TMEFF1: variants seen among roughly 807,000 people sequenced by gnomAD.
TMEFF1 encodes tomoregulin-1.
A neutral mutation model predicts 47.5 loss-of-function variants in TMEFF1; 20 were observed. The observed-to-expected ratio is 0.42, with a 90% confidence interval of 0.30 to 0.61. TMEFF1 has a LOEUF of 0.61. TMEFF1 is among the 20% of genes least tolerant of loss of function. TMEFF1 has a pLI of 0.19. For synonymous variants in TMEFF1, 162 were observed against 166.3 expected (o/e 0.97, Z 0.20); for missense variants, 411 against 471.1 (o/e 0.87, Z 1.18).
intron 2 of TMEFF1, among the ~76,000 whole-genome samples, chr9:100,504,672 T>A (rs976211293): frequency 6.6e-6 from 1 of 152,238 alleles, no homozygotes; most frequent in South Asian, 2.1e-4. Context: ...TTGTACACCA[T>A]TGAACATGGT....
intron 1 of TMEFF1, among the ~76,000 whole-genome samples, chr9:100,494,497 G>A (rs1282996575): frequency 1.3e-5 from 2 of 152,052 alleles, no homozygotes; most frequent in Admixed American, 6.6e-5. Context: ...ATCCACAGGC[G>A]GTGTGGTGAT....
chr9:100,545,842 C>G (rs1223119465), intron 5 of TMEFF1, among the ~76,000 whole-genome samples: 2 of 152,194 alleles, frequency 1.3e-5, no homozygotes, highest in Admixed American at 6.5e-5. Flanking sequence ...CTACAGATCT[C>G]TAGGGCAGGG....
intron 9 of TMEFF1, among the ~76,000 whole-genome samples, chr9:100,575,826 C>T (rs540463126): frequency 3.9e-5 from 6 of 151,990 alleles, no homozygotes; most frequent in Admixed American, 2.0e-4. Flanking sequence ...CTTGTGTTTG[C>T]AATCTAGTGT....
At chr9:100,576,193 A>G (rs1358198178) in intron 9 of TMEFF1, among the ~76,000 whole-genome samples, 1 of 152,010 alleles carries the variant, frequency 6.6e-6, no homozygotes, top group Non-Finnish European at 1.5e-5. Flanking sequence ...GTGACTAGGG[A>G]GTTTCTAGGC....
At chr9:100,570,989 A>G (rs1056168168) in intron 8 of TMEFF1, among the ~76,000 whole-genome samples, 1 of 152,128 alleles carries the variant, frequency 6.6e-6, no homozygotes. Context: ...CTCCCTGTCA[A>G]ATTATCATCA....
chr9:100,492,319 A>AC (rs1837570346), intron 1 of TMEFF1, among the ~76,000 whole-genome samples: 1 of 152,210 alleles, frequency 6.6e-6, no homozygotes, highest in South Asian at 2.1e-4. Context: ...AAAGTAGCTC[A>AC]CCTTATTCAA....
At chr9:100,489,023 A>G (rs1349900753) in intron 1 of TMEFF1, among the ~76,000 whole-genome samples, 1 of 152,154 alleles carries the variant, frequency 6.6e-6, no homozygotes, top group Non-Finnish European at 1.5e-5. Context: ...TAATTATAGA[A>G]CATTTCTATC....
chr9:100,519,498 G>A (rs41382949), intron 5 of TMEFF1, among the ~76,000 whole-genome samples: 6,693 of 151,946 alleles, frequency 0.044, 334 homozygotes, highest in South Asian at 0.22. Context: ...GACGACTAAA[G>A]TCAGAGGGTT....
At chr9:100,485,776 T>C (rs1451774546) in intron 1 of TMEFF1, among the ~76,000 whole-genome samples, 1 of 152,226 alleles carries the variant, frequency 6.6e-6, no homozygotes, top group Non-Finnish European at 1.5e-5. Context: ...ATACTTCTCA[T>C]GTACTTGGAA....
At chr9:100,486,229 A>G (rs1356567034) in intron 1 of TMEFF1, among the ~76,000 whole-genome samples, 3 of 152,262 alleles carry the variant, frequency 2.0e-5, no homozygotes, top group South Asian at 4.1e-4. Context: ...TGTTTATGCT[A>G]AATTATTTCA....
rs148283333 is a variant in TMEFF1 at position 100,483,587 on chromosome 9, G to A, written c.196+9847G>A. On this transcript the variant is annotated intron_variant, in intron 1 of 9. Coordinates refer to ENST00000374879, the MANE Select transcript of TMEFF1 (RefSeq NM_003692.5). ...ATTTTGTGAAAGATTCTTCTATCCAGAAGAGTTATTTCCTTGACTTCTCAG... is the reference window on the plus strand; with the variant it reads ...ATTTTGTGAAAGATTCTTCTATCCAAAAGAGTTATTTCCTTGACTTCTCAG... Among the ~76,000 whole-genome samples the A allele has an allele frequency of 9.4e-3, 1,425 of 152,296 alleles. 12 individuals are homozygous for A. Among genetic ancestry groups the A allele is most frequent in the South Asian group, 0.034 (166 of 4,830 alleles).
At chr9:100,484,156 A>G (rs1380375832) in intron 1 of TMEFF1, among the ~76,000 whole-genome samples, 2 of 152,160 alleles carry the variant, frequency 1.3e-5, no homozygotes, top group Non-Finnish European at 2.9e-5. Flanking sequence ...AGAGTTATAG[A>G]TCATTCTGCT....
At chr9:100,540,894 T>A (rs1161222771) in intron 5 of TMEFF1, among the ~76,000 whole-genome samples, 1 of 152,226 alleles carries the variant, frequency 6.6e-6, no homozygotes, top group Non-Finnish European at 1.5e-5. Flanking sequence ...TTTGCTCCCC[T>A]TTCCCATTGA....
rs1484158867 is a variant in TMEFF1 at position 100,473,915 on chromosome 9, G to A, written c.196+175G>A. ...GAGCGTGCGGTGTGGCTTTGGGACCGGCGCTGGGGATGGGAGTGGCCGTGG... is the reference window on the plus strand; with the variant it reads ...GAGCGTGCGGTGTGGCTTTGGGACCAGCGCTGGGGATGGGAGTGGCCGTGG... On this transcript the variant is annotated intron_variant, in intron 1 of 9. Transcript: ENST00000374879. This position sits in a 1 kb window ranked among gnomAD's most constrained non-coding sequence, Gnocchi z 5.4. Among the ~76,000 whole-genome samples, 1 of 151,858 alleles carries A rather than the reference G, an allele frequency of 6.6e-6. No individual in the cohort carries two copies. The highest frequency in any genetic ancestry group is 6.6e-5 in the Admixed American group (1 of 15,250).
chr9:100,532,322 A>C (rs1838400469), intron 5 of TMEFF1, among the ~76,000 whole-genome samples: 1 of 152,222 alleles, frequency 6.6e-6, no homozygotes, highest in African/African-American at 2.4e-5. Context: ...AAATGGGAGA[A>C]AATTTTTGCA....
At chr9:100,575,759 T>C (rs1401367775) in intron 9 of TMEFF1, among the ~76,000 whole-genome samples, 1 of 152,114 alleles carries the variant, frequency 6.6e-6, no homozygotes, top group African/African-American at 2.4e-5. Flanking sequence ...CAGTTAGTTA[T>C]TAGCAGAGCC....
chr9:100,487,518 G>A (rs1837471730), intron 1 of TMEFF1, among the ~76,000 whole-genome samples: 1 of 152,104 alleles, frequency 6.6e-6, no homozygotes, highest in African/African-American at 2.4e-5. Flanking sequence ...GTACACTTGT[G>A]TTTACCATTG....
At chr9:100,566,239 C>T (rs927381068) in intron 8 of TMEFF1, among the ~76,000 whole-genome samples, 3 of 152,206 alleles carry the variant, frequency 2.0e-5, no homozygotes, top group African/African-American at 7.2e-5. Context: ...CAGATTCTGT[C>T]CAGTCTCAGG....
intron 6 of TMEFF1, among the ~76,000 whole-genome samples, chr9:100,548,772 G>A (rs1439468704): frequency 1.3e-5 from 2 of 152,170 alleles, no homozygotes; most frequent in African/African-American, 4.8e-5. Flanking sequence ...ACAATTGATT[G>A]CAGTACCTCT....
Sources: gnomAD v4.1 joint callset for allele counts (sites outside exome capture counted in the v4.1 genomes callset) on GRCh38, gnomAD v4.1.1 for gene constraint, Gnocchi (gnomAD v3.1) non-coding constraint, MANE v1.5 for transcripts, NCBI Gene and HGNC (gene_info 2026-07-23, HGNC 2026-07-21) for gene names.